Variants in NKAIN2 observed in about 807,000 individuals in gnomAD.
NKAIN2 encodes the protein sodium/potassium transporting ATPase interacting 2, also known as sodium/potassium-transporting ATPase subunit beta-1-interacting protein 2.
A neutral mutation model predicts 32.6 loss-of-function variants in NKAIN2; 14 were observed. The observed-to-expected ratio is 0.43, with a 90% CI of 0.28 to 0.67. The LOEUF (loss-of-function observed/expected upper bound fraction) is 0.67. Ranked by LOEUF, NKAIN2 falls within the 30% of genes least tolerant of loss-of-function variation. The pLI is 0.17. For synonymous variants in NKAIN2, 80 were observed against 87.2 expected (o/e 0.92, Z 0.46); for missense variants, 198 against 258.3 (o/e 0.77, Z 1.60).
At chr6:123,837,691 C>T (rs753871893) in intron 1 of NKAIN2, among the ~76,000 whole-genome samples, 1 of 152,100 alleles carries the variant, frequency 6.6e-6, no homozygotes, top group Non-Finnish European at 1.5e-5. Flanking sequence ...CAGAGTAAAA[C>T]CGAAGTCCTT....
chr6:124,717,831 C>T (rs886417134), intron 4 of NKAIN2, among the ~76,000 whole-genome samples: 9 of 152,024 alleles, frequency 5.9e-5, no homozygotes, highest in African/African-American at 1.2e-4. Context: ...TGGTTCTGCC[C>T]GTTGGTAGGT....
intron 1 of NKAIN2, among the ~76,000 whole-genome samples, chr6:123,968,150 A>T (rs1778178733): frequency 6.6e-6 from 1 of 152,202 alleles, no homozygotes; most frequent in Non-Finnish European, 1.5e-5. Context: ...TTTTGCTTTC[A>T]AATGTGTTCT....
chr6:124,135,653 T>C (rs180715174), intron 1 of NKAIN2, among the ~76,000 whole-genome samples: 236 of 151,884 alleles, frequency 1.6e-3, no homozygotes, highest in African/African-American at 5.4e-3. Context: ...ATCAGAAATT[T>C]AAGAAAATTG....
rs1789061827 is a variant in NKAIN2, at chr6:124,174,551, G to T, written c.55-108454G>T. Among the ~76,000 whole-genome samples the T allele has an allele frequency of 3.3e-5, 5 of 152,264 alleles. No individual in the cohort carries two copies. The South Asian group carries it at 1.0e-3, about 32-fold the overall frequency. On this transcript the variant is annotated intron_variant, in intron 1 of 6. Transcript: ENST00000368417. ...GGGTAGTACTCTGTTCTACAGAGTT[G>T]TTCTGGGATTCAGCCTCCTTACCCT...
At chr6:123,911,257 G>A (rs1278856135) in intron 1 of NKAIN2, among the ~76,000 whole-genome samples, 3 of 152,104 alleles carry the variant, frequency 2.0e-5, no homozygotes, top group Non-Finnish European at 4.4e-5. Flanking sequence ...AAAGAAAAAA[G>A]ATTTATTTGG....
rs151131067 is a variant in NKAIN2, at chr6:124,665,881, G to A, written c.474+7495G>A. Among the ~76,000 whole-genome samples, 228 of 152,202 alleles carry A rather than the reference G, an allele frequency of 1.5e-3. 1 individual carries two copies. Among genetic ancestry groups the A allele is most frequent in the African/African-American group, 5.0e-3 (208 of 41,526 alleles). ...ATGAGTCTGTGTATCTATACTGTGCGTACCGTACTTCTCAGTAAATCGTGA... is the reference window on the plus strand; with the variant it reads ...ATGAGTCTGTGTATCTATACTGTGCATACCGTACTTCTCAGTAAATCGTGA... On this transcript the variant is annotated intron_variant, in intron 4 of 6. Transcript: ENST00000368417.
Position 124,818,403 on chromosome 6 carries a change from C to A in NKAIN2, c.552C>A (p.Gly184=). Residue 184 remains glycine, a synonymous_variant, in exon 6 of 7, where the codon GGC becomes GGA. Transcript: ENST00000368417. The part of the protein sequence containing the change: ...EEEDSFDFIG[G]FDSYGYQGPQ... Reference sequence around the variant, plus strand: ...CCTTTTCAGTTGATTTCATAGGTGGCTTTGACTCTTATGGCTATCAAGGGC... The same window carrying A: ...CCTTTTCAGTTGATTTCATAGGTGGATTTGACTCTTATGGCTATCAAGGGC... 1 of 1,598,944 alleles carries A rather than the reference C, an allele frequency of 6.3e-7. No individual in the cohort carries two copies. The highest frequency in any genetic ancestry group is 1.7e-4 in the Middle Eastern group (1 of 6,032).
chr6:124,001,863 T>C (rs1222113028), intron 1 of NKAIN2, among the ~76,000 whole-genome samples: 2 of 147,686 alleles, frequency 1.4e-5, no homozygotes, highest in Non-Finnish European at 3.0e-5. Context: ...CACAAGAGGG[T>C]TAGTTACTCA....
intron 4 of NKAIN2, among the ~76,000 whole-genome samples, chr6:124,743,698 G>T (rs1777329396): frequency 6.6e-6 from 1 of 151,846 alleles, no homozygotes; most frequent in Non-Finnish European, 1.5e-5. Flanking sequence ...CTTTATAGGT[G>T]TGTTGAAATT....
At position 123,942,682 on chromosome 6, in the gene NKAIN2, T is replaced by C. The variant is rs533869117; in HGVS notation, c.54+138428T>C. ...CAAAGCTGAAGGACATCTCAGGGTCTTGAATAGCTCTAGGGTTTCATGACT... is the reference window on the plus strand; with the variant it reads ...CAAAGCTGAAGGACATCTCAGGGTCCTGAATAGCTCTAGGGTTTCATGACT... On this transcript the variant is annotated intron_variant, in intron 1 of 6. Coordinates refer to ENST00000368417, the MANE Select transcript of NKAIN2 (RefSeq NM_001040214.3). Among the ~76,000 whole-genome samples the C allele has an allele frequency of 2.0e-5, 3 of 152,158 alleles. No individual in the cohort carries two copies. The East Asian group carries it at 5.8e-4, about 29-fold the overall frequency.
intron 1 of NKAIN2, among the ~76,000 whole-genome samples, chr6:123,927,850 C>T (rs1439082611): frequency 1.3e-5 from 2 of 152,172 alleles, no homozygotes; most frequent in Non-Finnish European, 2.9e-5. Flanking sequence ...TGACCTGTAA[C>T]TTGCAGATGT....
chr6:124,364,589 A>G (rs1335416722), intron 3 of NKAIN2, among the ~76,000 whole-genome samples: 1 of 152,094 alleles, frequency 6.6e-6, no homozygotes, highest in Admixed American at 6.6e-5. Context: ...ATTGAATGAC[A>G]TCTTTAAAGT....
chr6:124,295,468 G>A (rs747882826), intron 2 of NKAIN2, among the ~76,000 whole-genome samples: 17 of 152,096 alleles, frequency 1.1e-4, no homozygotes, highest in Non-Finnish European at 2.4e-4. Flanking sequence ...GGTTAGTCTA[G>A]AATAATGGCT....
At chr6:124,314,982 G>A (rs2115009644) in intron 2 of NKAIN2, among the ~76,000 whole-genome samples, 1 of 152,222 alleles carries the variant, frequency 6.6e-6, no homozygotes, top group Middle Eastern at 3.4e-3. Flanking sequence ...TCTTCTAAGT[G>A]TAAAAATCTC....
intron 1 of NKAIN2, among the ~76,000 whole-genome samples, chr6:124,178,572 C>T (rs113637995): frequency 8.3e-4 from 127 of 152,286 alleles, no homozygotes; most frequent in African/African-American, 3.0e-3. Flanking sequence ...GCTGGGATTA[C>T]AGGCATGAGC....
intron 1 of NKAIN2, among the ~76,000 whole-genome samples, chr6:123,935,371 A>T (rs990009304): frequency 4.0e-5 from 6 of 151,580 alleles, no homozygotes; most frequent in African/African-American, 1.4e-4. Flanking sequence ...AAGTGAAATT[A>T]GAAAGTAATG....
chr6:123,913,781 T>C (rs1775342730), intron 1 of NKAIN2, among the ~76,000 whole-genome samples: 1 of 152,164 alleles, frequency 6.6e-6, no homozygotes. Context: ...CATTTTGTTT[T>C]TTTTACAAGT....
intron 3 of NKAIN2, among the ~76,000 whole-genome samples, chr6:124,537,890 C>A (rs1779775126): frequency 6.6e-6 from 1 of 152,122 alleles, no homozygotes; most frequent in Non-Finnish European, 1.5e-5. Flanking sequence ...GGGTCATTGT[C>A]ATAGTTACTA....
rs1263193297 is a variant in NKAIN2 at position 124,283,032 on chromosome 6, G to A, written c.82G>A (p.Asp28Asn). ...TTGTGTGCTGGAGAGGCAAATATTT[G>A]ACTTCCTTGGATATCAGTGGGCACC... Reference protein sequence around the residue: ...LVCVLERQIFDFLGYQWAPIL... With the variant: ...LVCVLERQIFNFLGYQWAPIL... The change falls in exon 2 of 7, where the codon GAC (aspartate) becomes AAC (asparagine). Residue 28 changes from aspartate (D) to asparagine (N), a missense_variant. Asp to Asn is a conservative substitution (Grantham distance 23). Coordinates refer to ENST00000368417, the MANE Select transcript of NKAIN2 (RefSeq NM_001040214.3). The A allele has an allele frequency of 6.2e-7, 1 of 1,613,632 alleles. No homozygotes were observed.
Sources: allele counts gnomAD v4.1 joint callset (sites outside exome capture counted in the v4.1 genomes callset), GRCh38; gene constraint gnomAD v4.1.1; transcripts MANE v1.5; gene names NCBI Gene and HGNC (gene_info 2026-07-23, HGNC 2026-07-21).